The following YAE1 variants were observed in gnomAD, a reference collection of about 807,000 sequenced individuals.
YAE1 encodes protein YAE1 homolog.
In YAE1, 22 loss-of-function variants were observed where a neutral mutation model predicts 23.0. The observed-to-expected ratio is 0.96, with a 90% CI of 0.68 to 1.37. The LOEUF is 1.37. YAE1 is among the 40% of genes most tolerant of loss of function. The pLI, the probability that YAE1 is intolerant of heterozygous loss-of-function variation, is 0.00. For missense variants in YAE1, 260 were observed against 262.1 expected (o/e 0.99, Z 0.06); for synonymous variants, 101 against 97.0 (o/e 1.04, Z -0.24).
At chr7:39,608,312 G>T (rs1791158974) in intron 2 of YAE1, among the ~76,000 whole-genome samples, 1 of 152,144 alleles carries the variant, frequency 6.6e-6, no homozygotes, top group South Asian at 2.1e-4. Context: ...TAAAAATTGG[G>T]ACAATACACA....
chr7:39,589,513 CCT>C (rs1790870525), intron 2 of YAE1, among the ~76,000 whole-genome samples: 1 of 152,114 alleles, frequency 6.6e-6, no homozygotes, highest in South Asian at 2.1e-4. Flanking sequence ...CCTACCTTGG[CCT>C]CTCACAGAGC....
At chr7:39,609,679 C>A in exon 3 of YAE1, 5 of 1,535,712 alleles carry the variant, frequency 3.3e-6, no homozygotes, top group Non-Finnish European at 3.5e-6. Context: ...GAGGTTGGGA[C>A]GCAACTACTG....
intron 2 of YAE1, 80 bp from the exon 3 acceptor site, chr7:39,572,197 C>T (rs1790578608): frequency 1.5e-6 from 2 of 1,376,946 alleles, no homozygotes; most frequent in Non-Finnish European, 9.7e-7. Context: ...TAAGTCCAAT[C>T]GTTTAATTGT....
At chr7:39,608,476 A>T (rs537968143) in intron 2 of YAE1, among the ~76,000 whole-genome samples, 4 of 152,306 alleles carry the variant, frequency 2.6e-5, no homozygotes, top group Non-Finnish European at 5.9e-5. Context: ...AAAGAAGAAA[A>T]AGAAAAGGGT....
chr7:39,581,882 T>A (rs1175803771), intron 2 of YAE1, among the ~76,000 whole-genome samples: 1 of 151,380 alleles, frequency 6.6e-6, no homozygotes, highest in Non-Finnish European at 1.5e-5. Flanking sequence ...AAAAAAAAAA[T>A]AAAAAACAAG....
downstream of YAE1, among the ~76,000 whole-genome samples, chr7:39,574,333 C>A (rs1790621142): frequency 6.6e-6 from 1 of 152,186 alleles, no homozygotes; most frequent in South Asian, 2.1e-4. Context: ...CACAGTGGCT[C>A]ACACCTGTAA....
chr7:39,579,784 T>TA (rs1055027705), intron 2 of YAE1, among the ~76,000 whole-genome samples: 9 of 152,184 alleles, frequency 5.9e-5, no homozygotes, highest in African/African-American at 2.2e-4. Context: ...AGCTCACACC[T>TA]ACAATCGCAG....
At chr7:39,594,673 T>A (rs1790951081) in intron 2 of YAE1, among the ~76,000 whole-genome samples, 1 of 152,092 alleles carries the variant, frequency 6.6e-6, no homozygotes, top group Non-Finnish European at 1.5e-5. Flanking sequence ...TGACCTTGGT[T>A]CACTGAAACC....
At position 39,572,299 on chromosome 7, in the gene YAE1, C is replaced by A. The variant is rs1304996310; in HGVS notation, c.274C>A (p.Leu92Ile). Reference sequence around the variant, plus strand: ...CAGTGCTTTGCTCTCCTGGTGTCACCTTCATAATAATAATTCAACTTTGAT... The same window carrying A: ...CAGTGCTTTGCTCTCCTGGTGTCACATTCATAATAATAATTCAACTTTGAT... ...TLSALLSWCH[L>I]HNNNSTLINK... is the part of the protein sequence containing the mutation. Residue 92 changes from leucine to isoleucine, a missense_variant, in exon 3 of 3, where the codon CTT becomes ATT. Transcript: ENST00000223273. The A allele has an allele frequency of 1.9e-6, 3 of 1,612,666 alleles. No homozygotes were observed. Among genetic ancestry groups the A allele is most frequent in the Non-Finnish European group, 2.5e-6 (3 of 1,179,176 alleles).
intron 2 of YAE1, among the ~76,000 whole-genome samples, chr7:39,571,758 G>A (rs1790570659): frequency 6.6e-6 from 1 of 152,130 alleles, no homozygotes; most frequent in African/African-American, 2.4e-5. Context: ...TAGTAGTTCA[G>A]CAAACAGTTT....
At chr7:39,605,276 T>C (rs1231780600) in intron 2 of YAE1, among the ~76,000 whole-genome samples, 2 of 152,206 alleles carry the variant, frequency 1.3e-5, no homozygotes, top group African/African-American at 4.8e-5. Context: ...TAATTTTATG[T>C]GTCATCTTGG....
At chr7:39,573,309 TA>T (rs1310284471), downstream of YAE1, among the ~76,000 whole-genome samples, 1 of 152,200 alleles carries the variant, frequency 6.6e-6, no homozygotes, top group Admixed American at 6.5e-5. Flanking sequence ...AAATATATTT[TA>T]TGCTAAAGTC....
rs966685331 is a variant in YAE1 at position 39,570,331 on chromosome 7, A to G, written c.130-175A>G. ...AAGTGGGATAAGTAATGATAAACCAATAATAAACTTAGGAGAAGCATAGTC... is the reference window on the plus strand; with the variant it reads ...AAGTGGGATAAGTAATGATAAACCAGTAATAAACTTAGGAGAAGCATAGTC... On this transcript the variant is annotated intron_variant, in intron 1 of 2. Coordinates refer to ENST00000223273, the MANE Select transcript of YAE1 (RefSeq NM_020192.5). 21 of 765,762 alleles carry G rather than the reference A, an allele frequency of 2.7e-5. No individual in the cohort carries two copies. In the South Asian group the frequency reaches 3.3e-4, roughly 12 times the overall value. The allele number at this position is 765,762 out of a possible 1,614,324, so 47.4% of individuals were successfully genotyped here.
intron 2 of YAE1, among the ~76,000 whole-genome samples, chr7:39,606,180 C>T (rs1232151884): frequency 6.6e-6 from 1 of 150,646 alleles, no homozygotes; most frequent in Admixed American, 6.6e-5. Context: ...ATTTTTTGTG[C>T]TCAAAAAAAA....
intron 2 of YAE1, among the ~76,000 whole-genome samples, chr7:39,571,445 G>A (rs1311715540): frequency 1.3e-5 from 2 of 151,472 alleles, no homozygotes; most frequent in Non-Finnish European, 2.9e-5. Context: ...TCAAAGAATC[G>A]CTAATTTTAA....
chr7:39,601,942 C>T (rs367733855), intron 2 of YAE1, among the ~76,000 whole-genome samples: 10 of 151,764 alleles, frequency 6.6e-5, no homozygotes, highest in East Asian at 3.9e-4. Context: ...GGCATAATGC[C>T]GAAGAGTGCC....
At position 39,572,695 on chromosome 7, in the gene YAE1, A is replaced by G; in HGVS notation, c.670A>G (p.Lys224Glu). Reference sequence around the variant, plus strand: ...ATCAGTAGATGTATTACAACACCTCAAACAACTATAAAATTACCTTCCCTT... The same window carrying G: ...ATCAGTAGATGTATTACAACACCTCGAACAACTATAAAATTACCTTCCCTT... ...GLSVDVLQHL[K>E]QL Residue 224 changes from lysine (K) to glutamate (E), a missense_variant, in exon 3 of 3, where the codon AAA becomes GAA. By Grantham distance (56) the Lys-to-Glu change is moderately conservative (BLOSUM62 1). Coordinates refer to ENST00000223273, the MANE Select transcript of YAE1 (RefSeq NM_020192.5). 6.4e-7 allele frequency: 1 copy of G among 1,569,108 alleles called. No homozygotes were observed.
intron 2 of YAE1, among the ~76,000 whole-genome samples, chr7:39,606,247 T>C (rs1008912480): frequency 2.0e-5 from 3 of 152,196 alleles, no homozygotes; most frequent in African/African-American, 4.8e-5. Context: ...GAGTTACAGA[T>C]TGTATTTTTA....
chr7:39,591,597 C>A (rs564551855), intron 2 of YAE1, among the ~76,000 whole-genome samples: 6 of 151,554 alleles, frequency 4.0e-5, no homozygotes, highest in Non-Finnish European at 8.8e-5. Flanking sequence ...CTCCTGCCCC[C>A]ACACATGCAT....
Sources: gnomAD v4.1 joint callset for allele counts (sites outside exome capture counted in the v4.1 genomes callset) on GRCh38, gnomAD v4.1.1 for gene constraint, MANE v1.5 for transcripts, NCBI Gene and HGNC (gene_info 2026-07-23, HGNC 2026-07-21) for gene names.